Variants in MAP2K1 observed in about 807,000 individuals in gnomAD.
MAP2K1 encodes mitogen-activated protein kinase kinase 1.
Under a neutral mutation model 46.3 loss-of-function variants are expected in MAP2K1, and 16 were observed. The ratio of observed to expected loss-of-function variants is 0.35; its 90% CI spans 0.23 to 0.52. MAP2K1 has a LOEUF of 0.52. Ranked by LOEUF, MAP2K1 falls within the 20% of genes least tolerant of loss-of-function variation. The pLI, the probability that MAP2K1 is intolerant of heterozygous loss-of-function variation, is 0.94. For missense variants in MAP2K1, 263 were observed against 497.1 expected, an observed-to-expected ratio of 0.53 and a Z score of 4.48; for synonymous variants, 183 against 185.6, an observed-to-expected ratio of 0.99 and a Z score of 0.11.
At chr15:66,489,838 A>C (rs1345641452) in intron 10 of MAP2K1, 75 bp downstream of exon 10, 1 of 1,262,406 alleles carries the variant, frequency 7.9e-7, no homozygotes, top group Non-Finnish European at 1.2e-6. Context: ...TCTGTGCAGT[A>C]CTTCCAGAGC....
intron 1 of MAP2K1, chr15:66,415,340 A>G: frequency 3.2e-6 from 1 of 309,840 alleles, no homozygotes; most frequent in Non-Finnish European, 6.2e-6. Context: ...AATTCCAAAG[A>G]TTTAGAGGTT....
At chr15:66,467,254 A>G (rs534743510) in intron 5 of MAP2K1, among the ~76,000 whole-genome samples, 4 of 152,182 alleles carry the variant, frequency 2.6e-5, no homozygotes, top group Admixed American at 6.5e-5. Context: ...AAAAAGAGAA[A>G]CCATCATTGC....
chr15:66,491,076 T>A lies in MAP2K1; in HGVS notation c.*461T>A. 2.9e-6 allele frequency: 1 copy of A among 350,594 alleles called. No homozygotes were observed. The highest frequency in any genetic ancestry group is 5.3e-6 in the Non-Finnish European group (1 of 188,280). 21.7% of individuals were successfully genotyped at this position (350,594 alleles called of 1,614,324 possible). A position where few individuals can be genotyped will look rare whatever the true frequency, so the allele number is the denominator to read the frequency against. The stretch of plus-strand genomic sequence containing the variant: ...CACAGGCAGTGCATGTGAAGCATGC[T>A]TTGCTGCTATGAAAATGAGCATCAG... On this transcript the variant is annotated 3_prime_UTR_variant, in exon 11 of 11. Coordinates refer to ENST00000307102, the MANE Select transcript of MAP2K1 (RefSeq NM_002755.4).
Position 66,487,376 on chromosome 15 carries a change from C to T in MAP2K1, c.960+84C>T, listed in dbSNP as rs899668987. 40 of 1,271,366 alleles carry T rather than the reference C, an allele frequency of 3.1e-5. No homozygotes were observed. In the African/African-American group the frequency reaches 3.8e-4, roughly 12 times the overall value. 78.8% of individuals were successfully genotyped at this position (1,271,366 alleles called of 1,614,324 possible). A position where few individuals can be genotyped will look rare whatever the true frequency, so the allele number is the denominator to read the frequency against. ...CCAGGTGGCCGGGTGCAGTGGTTCA[C>T]GCCTGTAATCCCAGCAGTTTGGGAG... On this transcript the variant is annotated intron_variant, in intron 8 of 10. Coordinates refer to ENST00000307102, the MANE Select transcript of MAP2K1 (RefSeq NM_002755.4).
At chr15:66,413,544 C>T (rs1276556922) in intron 1 of MAP2K1, among the ~76,000 whole-genome samples, 4 of 152,142 alleles carry the variant, frequency 2.6e-5, no homozygotes, top group Non-Finnish European at 4.4e-5. Context: ...AGATTTCACA[C>T]AGCTAAAATA....
intron 5 of MAP2K1, among the ~76,000 whole-genome samples, chr15:66,475,880 G>T (rs1267243112): frequency 6.6e-6 from 1 of 152,168 alleles, no homozygotes; most frequent in African/African-American, 2.4e-5. Flanking sequence ...CAGATACTCT[G>T]TGTTTCTAGA....
At chr15:66,481,245 A>G (rs1213245318) in intron 5 of MAP2K1, among the ~76,000 whole-genome samples, 2 of 152,174 alleles carry the variant, frequency 1.3e-5, no homozygotes, top group Non-Finnish European at 2.9e-5. Flanking sequence ...TATTTGTAAG[A>G]AAAAGACCCA....
intron 1 of MAP2K1, among the ~76,000 whole-genome samples, chr15:66,403,443 T>G (rs1156818904): frequency 1.3e-5 from 2 of 152,146 alleles, no homozygotes; most frequent in Non-Finnish European, 2.9e-5. Flanking sequence ...AGGGCCTATT[T>G]TTAAGCTTCA....
chr15:66,416,005 CT>C (rs2093423778), intron 1 of MAP2K1, among the ~76,000 whole-genome samples: 2 of 152,190 alleles, frequency 1.3e-5, no homozygotes, highest in South Asian at 4.1e-4. Flanking sequence ...CCCCACTCGC[CT>C]TCTAAACCTA....
intron 5 of MAP2K1, among the ~76,000 whole-genome samples, chr15:66,448,386 G>A (rs879525479): frequency 6.6e-5 from 10 of 152,184 alleles, no homozygotes; most frequent in African/African-American, 2.2e-4. Flanking sequence ...TGGTTCTAAT[G>A]CTGTGGTCCA....
At chr15:66,459,414 C>T (rs947071727) in intron 5 of MAP2K1, among the ~76,000 whole-genome samples, 2 of 151,640 alleles carry the variant, frequency 1.3e-5, no homozygotes, top group Non-Finnish European at 2.9e-5. Flanking sequence ...GTCAGGAGTT[C>T]GAAAACAGCT....
intron 1 of MAP2K1, among the ~76,000 whole-genome samples, chr15:66,428,773 CTTTTTTTT>C (rs1196428468): frequency 0.017 from 1,292 of 78,236 alleles, 13 homozygotes; most frequent in African/African-American, 0.069. Flanking sequence ...ATTTTCTTTC[CTTTTTTTT>C]TTTTTTTTTT....
chr15:66,395,220 T>C (rs1358390785), intron 1 of MAP2K1, among the ~76,000 whole-genome samples: 1 of 152,204 alleles, frequency 6.6e-6, no homozygotes. Flanking sequence ...TGAAGTTTAA[T>C]TTATAAATTA....
intron 1 of MAP2K1, among the ~76,000 whole-genome samples, chr15:66,406,076 A>G (rs955020446): frequency 2.0e-5 from 3 of 152,374 alleles, no homozygotes; most frequent in Middle Eastern, 6.8e-3. Context: ...TCTAACTTGT[A>G]TGTTAAGAGT....
chr15:66,425,164 C>G (rs929653095), intron 1 of MAP2K1, among the ~76,000 whole-genome samples: 1 of 152,152 alleles, frequency 6.6e-6, no homozygotes, highest in African/African-American at 2.4e-5. Flanking sequence ...AGCATTCTTT[C>G]CCTTCCTGTG....
intron 5 of MAP2K1, among the ~76,000 whole-genome samples, chr15:66,452,096 T>A (rs1196196306): frequency 2.2e-4 from 21 of 93,618 alleles, no homozygotes; most frequent in Admixed American, 7.1e-4. Flanking sequence ...ATGAGATCAC[T>A]TGGACACAGG....
At chr15:66,487,449 G>A (rs1004866744) in intron 8 of MAP2K1, among the ~76,000 whole-genome samples, 157 bp downstream of exon 8, 3 of 152,112 alleles carry the variant, frequency 2.0e-5, no homozygotes, top group Non-Finnish European at 2.9e-5. Flanking sequence ...GACCAGCCTG[G>A]CCAACAAGGC....
At chr15:66,401,247 T>A (rs1042410061) in intron 1 of MAP2K1, among the ~76,000 whole-genome samples, 12 of 152,232 alleles carry the variant, frequency 7.9e-5, no homozygotes, top group African/African-American at 2.9e-4. Context: ...GATGAATTCA[T>A]CTACCAAATC....
At chr15:66,396,070 G>A (rs1327437750) in intron 1 of MAP2K1, among the ~76,000 whole-genome samples, 1 of 151,786 alleles carries the variant, frequency 6.6e-6, no homozygotes, top group Non-Finnish European at 1.5e-5. Flanking sequence ...GCAGTGGCGC[G>A]ATCTCGCCTC....
Sources: gnomAD v4.1 joint callset for allele counts (sites outside exome capture counted in the v4.1 genomes callset) on GRCh38, gnomAD v4.1.1 for gene constraint, MANE v1.5 for transcripts, NCBI Gene and HGNC (gene_info 2026-07-23, HGNC 2026-07-21) for gene names.